The following FAM228B variants were observed in gnomAD, a reference collection of about 807,000 sequenced individuals.
FAM228B encodes the protein protein FAM228B.
Under a neutral mutation model 42.6 loss-of-function variants are expected in FAM228B, and 38 were observed. That is an observed-to-expected ratio of 0.89 (90% CI 0.69 to 1.17). The LOEUF (loss-of-function observed/expected upper bound fraction) is 1.17, where lower values mean the gene tolerates loss of function less well. Ranked by LOEUF, FAM228B falls within the 50% of genes most tolerant of loss-of-function variation. The pLI is 0.00. For missense variants in FAM228B, 344 were observed against 367.3 expected, an observed-to-expected ratio of 0.94 and a Z score of 0.52; for synonymous variants, 109 against 122.3, an observed-to-expected ratio of 0.89 and a Z score of 0.72.
chr2:24,133,499 A>G (rs1666505410), intron 2 of FAM228B, among the ~76,000 whole-genome samples: 1 of 152,208 alleles, frequency 6.6e-6, no homozygotes, highest in Non-Finnish European at 1.5e-5. Context: ...AAATAAAAGC[A>G]GTGGGACTGA....
At chr2:24,107,595 C>T (rs1039662201) in intron 3 of FAM228B, among the ~76,000 whole-genome samples, 8 of 152,060 alleles carry the variant, frequency 5.3e-5, no homozygotes, top group Non-Finnish European at 1.2e-4. Flanking sequence ...GACCACAGTG[C>T]AATAAAAATA....
At chr2:24,121,599 G>A (rs936394377), upstream of FAM228B, among the ~76,000 whole-genome samples, 8 of 151,852 alleles carry the variant, frequency 5.3e-5, no homozygotes, top group African/African-American at 1.9e-4. Flanking sequence ...GAGACTCTAC[G>A]GCCCTGTGCT....
At chr2:24,143,183 G>A (rs543097620) in intron 5 of FAM228B, among the ~76,000 whole-genome samples, 11 of 151,008 alleles carry the variant, frequency 7.3e-5, no homozygotes, top group Non-Finnish European at 1.6e-4. Flanking sequence ...TTCTTTTTTG[G>A]TTTGTTTTTG....
intron 3 of FAM228B, among the ~76,000 whole-genome samples, chr2:24,106,894 T>TAAA (rs1558372529): frequency 6.6e-6 from 1 of 152,120 alleles, no homozygotes; most frequent in East Asian, 1.9e-4. Flanking sequence ...AATAACCAGC[T>TAAA]AACATGATGA....
chr2:24,085,569 G>A (rs1665217556), intron 2 of FAM228B: 2 of 152,096 alleles, frequency 1.3e-5, no homozygotes, highest in Admixed American at 6.6e-5. Flanking sequence ...CATCCCCCAA[G>A]TGATATCCGA....
At chr2:24,164,535 T>TCACACGATGAGGGTGCCCCCTGGTGGAGC (rs143598001) in intron 9 of FAM228B, among the ~76,000 whole-genome samples, 200 bp downstream of exon 9, 10 of 144,946 alleles carry the variant, frequency 6.9e-5, no homozygotes, top group East Asian at 2.1e-4. Flanking sequence ...CCTGGTGGAG[T>TCACACGATGAGGGTGCCCCCTGGTGGAGC]CACACGATGA....
At chr2:24,157,982 C>G (rs540635573) in intron 7 of FAM228B, among the ~76,000 whole-genome samples, 6 of 152,042 alleles carry the variant, frequency 3.9e-5, no homozygotes, top group Non-Finnish European at 7.4e-5. Flanking sequence ...ATGGTGCTAC[C>G]AGGGTGAAAT....
At chr2:24,078,812 A>T (rs1298326147) in intron 1 of FAM228B, 1 of 152,446 alleles carries the variant, frequency 6.6e-6, no homozygotes. Context: ...GCAAAACCCT[A>T]TGGTGGAAAC....
In FAM228B at chr2:24,146,758, C is replaced by T; in HGVS notation, c.452C>T (p.Pro151Leu). ...KDPNFLKVTI[P>L]PFHDPLKKAQ... ...GTGCCTCTCTTGTAGGTTACCATCC[C>T]ACCATTTCATGACCCTTTGAAAAAA... The change falls in exon 6 of 11, where the codon CCA becomes CTA. Residue 151 changes from proline to leucine, a missense_variant. Coordinates refer to ENST00000615575, the MANE Select transcript of FAM228B (RefSeq NM_001145710.2). 1 of 1,548,986 alleles carries T rather than the reference C, an allele frequency of 6.5e-7. No individual in the cohort carries two copies. Among genetic ancestry groups the T allele is most frequent in the Non-Finnish European group, 8.7e-7 (1 of 1,145,454 alleles).
intron 7 of FAM228B, among the ~76,000 whole-genome samples, chr2:24,158,719 G>A (rs1667217746): frequency 1.3e-5 from 2 of 152,186 alleles, no homozygotes; most frequent in African/African-American, 4.8e-5. Flanking sequence ...AGATCGATAT[G>A]ATGACACAAG....
chr2:24,120,991 G>A (rs1393749690), upstream of FAM228B, among the ~76,000 whole-genome samples: 1 of 148,828 alleles, frequency 6.7e-6, no homozygotes, highest in Non-Finnish European at 1.5e-5. Context: ...CCAGGCTCTT[G>A]ATAGGACTTT....
intron 2 of FAM228B, among the ~76,000 whole-genome samples, chr2:24,132,258 T>C (rs576569929): frequency 1.3e-5 from 2 of 152,286 alleles, no homozygotes; most frequent in South Asian, 4.1e-4. Flanking sequence ...ATTTTCGCAT[T>C]GTACTTCAAC....
chr2:24,093,839 G>A (rs1665441610), intron 2 of FAM228B, among the ~76,000 whole-genome samples: 1 of 151,788 alleles, frequency 6.6e-6, no homozygotes, highest in African/African-American at 2.4e-5. Context: ...GGCTGGTCTT[G>A]AACTCCTGAC....
upstream of FAM228B, chr2:24,122,681 C>T: frequency 1.7e-6 from 1 of 599,064 alleles, no homozygotes; most frequent in South Asian, 2.4e-5. Flanking sequence ...AGGGTGAAAA[C>T]GGTGGTCCAT....
intron 7 of FAM228B, among the ~76,000 whole-genome samples, chr2:24,159,604 G>C (rs1357954912): frequency 6.6e-6 from 1 of 152,190 alleles, no homozygotes; most frequent in Non-Finnish European, 1.5e-5. Context: ...ACCAATAGGA[G>C]TTCGGTACAG....
At chr2:24,117,536 G>A (rs1011528139) in intron 3 of FAM228B, among the ~76,000 whole-genome samples, 5 of 151,390 alleles carry the variant, frequency 3.3e-5, no homozygotes. Flanking sequence ...TCCACCTCCT[G>A]GGTTCAGGTG....
chr2:24,129,453 A>C (rs987710249), intron 2 of FAM228B, among the ~76,000 whole-genome samples: 1 of 149,798 alleles, frequency 6.7e-6, no homozygotes, highest in African/African-American at 2.5e-5. Flanking sequence ...CACTTCTGCA[A>C]CTCTATCCAT....
chr2:24,090,680 G>C (rs1471995339), intron 2 of FAM228B, among the ~76,000 whole-genome samples: 1 of 151,766 alleles, frequency 6.6e-6, no homozygotes, highest in Non-Finnish European at 1.5e-5. Flanking sequence ...ACAAATTAAA[G>C]GAGAAAACAC....
At chr2:24,132,856 T>A (rs1483012805) in intron 2 of FAM228B, among the ~76,000 whole-genome samples, 2 of 152,308 alleles carry the variant, frequency 1.3e-5, no homozygotes, top group East Asian at 3.9e-4. Flanking sequence ...TTCCTGAAGT[T>A]GGCAGCAGAT....
Sources: allele counts gnomAD v4.1 joint callset (sites outside exome capture counted in the v4.1 genomes callset), GRCh38; gene constraint gnomAD v4.1.1; transcripts MANE v1.5; gene names NCBI Gene and HGNC (gene_info 2026-07-23, HGNC 2026-07-21).